The following UBL3 variants were observed in gnomAD, a reference collection of about 807,000 sequenced individuals.
The protein encoded by UBL3 is ubiquitin like 3, also known as ubiquitin-like protein 3.
Under a neutral mutation model 18.4 loss-of-function variants are expected in UBL3, and 6 were observed. The observed-to-expected ratio is 0.33, with a 90% CI of 0.18 to 0.64. UBL3 has a LOEUF of 0.64. UBL3 is among the 30% of genes least tolerant of loss of function. UBL3 has a pLI of 0.76. For missense variants in UBL3, 109 were observed against 142.9 expected (o/e 0.76, Z 1.21); for synonymous variants, 49 against 46.6 (o/e 1.05, Z -0.21).
chr13:29,836,080 G>A (rs1449220296), intron 1 of UBL3, among the ~76,000 whole-genome samples: 1 of 151,464 alleles, frequency 6.6e-6, no homozygotes, highest in Non-Finnish European at 1.5e-5. Flanking sequence ...TAATACAATA[G>A]TCCAGGAGAG....
At chr13:29,828,437 C>T (rs1392965700) in intron 1 of UBL3, among the ~76,000 whole-genome samples, 1 of 152,206 alleles carries the variant, frequency 6.6e-6, no homozygotes, top group East Asian at 1.9e-4. Context: ...GATCTTCAAT[C>T]ACTGACACCC....
intron 1 of UBL3, among the ~76,000 whole-genome samples, chr13:29,845,943 C>A (rs1240399113): frequency 6.6e-6 from 1 of 151,936 alleles, no homozygotes; most frequent in East Asian, 1.9e-4. Flanking sequence ...TAAATAGTAG[C>A]CTAAATGTTG....
intron 1 of UBL3, among the ~76,000 whole-genome samples, chr13:29,847,181 TAAAC>T (rs1451472888): frequency 3.3e-5 from 5 of 152,136 alleles, no homozygotes; most frequent in African/African-American, 9.7e-5. Flanking sequence ...AGTTAAGTAA[TAAAC>T]GAACGTTTAA....
At chr13:29,808,263 C>T (rs751639976) in intron 1 of UBL3, among the ~76,000 whole-genome samples, 2 of 152,054 alleles carry the variant, frequency 1.3e-5, no homozygotes, top group Non-Finnish European at 2.9e-5. Flanking sequence ...TCATAGTATT[C>T]TTATTTGCTC....
intron 1 of UBL3, among the ~76,000 whole-genome samples, chr13:29,840,999 A>G (rs1879087114): frequency 1.3e-5 from 2 of 152,220 alleles, no homozygotes; most frequent in East Asian, 3.8e-4. Flanking sequence ...GAATAGCAGG[A>G]TACAAAAGCA....
At chr13:29,813,282 G>A (rs1878160767) in intron 1 of UBL3, among the ~76,000 whole-genome samples, 3 of 151,964 alleles carry the variant, frequency 2.0e-5, no homozygotes, top group African/African-American at 2.4e-5. Context: ...GTCAGGAAAC[G>A]CTTCTCCAGC....
intron 1 of UBL3, among the ~76,000 whole-genome samples, chr13:29,845,292 A>G (rs1033436607): frequency 6.6e-6 from 1 of 152,074 alleles, no homozygotes; most frequent in Non-Finnish European, 1.5e-5. Context: ...AAAAATTCAG[A>G]GAAACATTCA....
chr13:29,827,807 G>GT (rs1029861156), intron 1 of UBL3, among the ~76,000 whole-genome samples: 28 of 152,312 alleles, frequency 1.8e-4, no homozygotes, highest in African/African-American at 6.5e-4. Flanking sequence ...TGTTTTTGCA[G>GT]TGGCTGGTAC....
intron 1 of UBL3, among the ~76,000 whole-genome samples, chr13:29,793,937 C>A (rs1565993229): frequency 6.6e-6 from 1 of 152,130 alleles, no homozygotes; most frequent in African/African-American, 2.4e-5. Flanking sequence ...CTCCACCCCC[C>A]AGGTTCAAGA....
chr13:29,818,720 A>G (rs1251876149), intron 1 of UBL3, among the ~76,000 whole-genome samples: 1 of 152,172 alleles, frequency 6.6e-6, no homozygotes, highest in Non-Finnish European at 1.5e-5. Flanking sequence ...TTGAGACTTA[A>G]TTCATTTTAG....
rs547438931 is a variant in UBL3, at chr13:29,836,996, G to A, written c.27+12516C>T. ...GACCTTAGCTAAGGGCTATACACCA[G>A]TAGTCCACCAATAGTGAGGCTATCA... On this transcript the variant is annotated intron_variant, in intron 1 of 4. Transcript: ENST00000380680. 7.2e-5 allele frequency among the ~76,000 whole-genome samples: 11 copies of A among 152,338 alleles called. No homozygotes were observed. The South Asian group carries it at 2.3e-3, about 32-fold the overall frequency.
chr13:29,835,138 A>C (rs1483739354), intron 1 of UBL3, among the ~76,000 whole-genome samples: 4 of 9,478 alleles, frequency 4.2e-4, no homozygotes, highest in African/African-American at 1.4e-3. Flanking sequence ...ATATATATAT[A>C]TATATATATA....
At chr13:29,839,217 T>C (rs945476637) in intron 1 of UBL3, among the ~76,000 whole-genome samples, 1 of 152,204 alleles carries the variant, frequency 6.6e-6, no homozygotes, top group Non-Finnish European at 1.5e-5. Context: ...TGGCACACTG[T>C]CAATTTTCTA....
chr13:29,846,859 C>G lies in UBL3; in HGVS notation c.27+2653G>C, dbSNP rs150833099. 1.4e-4 allele frequency among the ~76,000 whole-genome samples: 22 copies of G among 152,268 alleles called. No individual in the cohort carries two copies. In the East Asian group the frequency reaches 4.0e-3, roughly 28 times the overall value. ...GCACATACTGTCAACTAGGAGAAAG[C>G]TTAACATTTTACTGCATCTAGCAAA... is the stretch of plus-strand genomic sequence containing the variant. On this transcript the variant is annotated intron_variant, in intron 1 of 4. Transcript: ENST00000380680.
intron 1 of UBL3, among the ~76,000 whole-genome samples, chr13:29,827,532 G>A (rs1357032245): frequency 6.6e-6 from 1 of 152,040 alleles, no homozygotes; most frequent in East Asian, 1.9e-4. Flanking sequence ...TATTTGCTTG[G>A]CAGATCTTCC....
At chr13:29,807,173 T>C (rs1204242484) in intron 1 of UBL3, among the ~76,000 whole-genome samples, 1 of 152,152 alleles carries the variant, frequency 6.6e-6, no homozygotes, top group Non-Finnish European at 1.5e-5. Flanking sequence ...CCACAAACTG[T>C]ATAAAGTTAA....
chr13:29,766,983 G>C lies in UBL3; in HGVS notation c.*272C>G. On this transcript the variant is annotated 3_prime_UTR_variant, in exon 5 of 5. Transcript: ENST00000380680. ...TGGTTTCTGCTACGAAAGATAACTT[G>C]TTAACTTTTCCCCTGGAGATTGACT... 1 of 293,820 alleles carries C rather than the reference G, an allele frequency of 3.4e-6. No homozygotes were observed. The highest frequency in any genetic ancestry group is 6.2e-6 in the Non-Finnish European group (1 of 160,434). 18.2% of individuals were successfully genotyped at this position (293,820 alleles called of 1,614,324 possible).
intron 1 of UBL3, among the ~76,000 whole-genome samples, chr13:29,827,539 T>C (rs1878655276): frequency 6.6e-6 from 1 of 152,232 alleles, no homozygotes; most frequent in Non-Finnish European, 1.5e-5. Flanking sequence ...TTGGCAGATC[T>C]TCCTCCATCC....
In UBL3 at chr13:29,767,169, A is replaced by T; in HGVS notation, c.*86T>A. 1 of 1,473,156 alleles carries T rather than the reference A, an allele frequency of 6.8e-7. No individual in the cohort carries two copies. Among genetic ancestry groups the T allele is most frequent in the Non-Finnish European group, 9.4e-7 (1 of 1,060,032 alleles). 91.3% of individuals were successfully genotyped at this position (1,473,156 alleles called of 1,614,324 possible). The stretch of plus-strand genomic sequence containing the variant: ...TGTGTTTACAGGCAGACTGTTCTGA[A>T]CGGTTTCTGAAGCAATGTCGGGTCT... On this transcript the variant is annotated 3_prime_UTR_variant, in exon 5 of 5. Coordinates refer to ENST00000380680, the MANE Select transcript of UBL3 (RefSeq NM_007106.4).
Sources: gnomAD v4.1 joint callset for allele counts (sites outside exome capture counted in the v4.1 genomes callset) on GRCh38, gnomAD v4.1.1 for gene constraint, MANE v1.5 for transcripts, NCBI Gene and HGNC (gene_info 2026-07-23, HGNC 2026-07-21) for gene names.